IQGAP2: variants seen among roughly 807,000 people sequenced by gnomAD.
IQGAP2 encodes ras GTPase-activating-like protein IQGAP2.
In IQGAP2, 173 loss-of-function variants were observed where a neutral mutation model predicts 201.3. The observed-to-expected ratio is 0.86, with a 90% CI of 0.76 to 0.98. The LOEUF (loss-of-function observed/expected upper bound fraction) is 0.98. Ranked by LOEUF, IQGAP2 falls within the 50% of genes least tolerant of loss-of-function variation. The pLI is 0.00. For synonymous variants in IQGAP2, 675 were observed against 673.9 expected (o/e 1.00, Z -0.03); for missense variants, 1,687 against 1,864.8 (o/e 0.90, Z 1.76).
chr5:76,673,990 C>T lies in IQGAP2; in HGVS notation c.3248C>T (p.Ser1083Leu), dbSNP rs768262402. 9 of 1,607,992 alleles carry T rather than the reference C, an allele frequency of 5.6e-6. No individual in the cohort carries two copies. The Admixed American group carries it at 1.0e-4, about 18-fold the overall frequency. Residue 1083 changes from serine to leucine, a missense_variant, in exon 26 of 36, where the codon TCG becomes TTG. Coordinates refer to ENST00000274364, the MANE Select transcript of IQGAP2 (RefSeq NM_006633.5). ...TATATAGCCAAAGTACTGAAGAATT[C>T]GATCCATGAGAAATTCCCCGATGCA... The part of the protein sequence containing the change: ...LRYIAKVLKN[S>L]IHEKFPDATE...
chr5:76,678,245 C>T (rs971101465), intron 28 of IQGAP2, among the ~76,000 whole-genome samples: 6 of 152,280 alleles, frequency 3.9e-5, no homozygotes, highest in Admixed American at 6.5e-5. Flanking sequence ...CCCCATTTCT[C>T]GGAAGCAGGC....
At chr5:76,487,029 A>G (rs1756194445) in intron 2 of IQGAP2, among the ~76,000 whole-genome samples, 1 of 152,002 alleles carries the variant, frequency 6.6e-6, no homozygotes, top group African/African-American at 2.4e-5. Flanking sequence ...GTGTTTTTTT[A>G]ATGTAATATA....
At chr5:76,496,824 T>C (rs1365314787) in intron 2 of IQGAP2, among the ~76,000 whole-genome samples, 1 of 150,708 alleles carries the variant, frequency 6.6e-6, no homozygotes, top group Non-Finnish European at 1.5e-5. Flanking sequence ...TTTCTTTCTT[T>C]TTCTTTTCTT....
intron 3 of IQGAP2, among the ~76,000 whole-genome samples, chr5:76,564,797 C>T (rs916364821): frequency 5.3e-5 from 8 of 152,202 alleles, no homozygotes; most frequent in Admixed American, 1.3e-4. Context: ...CCCATCAGAT[C>T]CCTGGAAGGC....
intron 13 of IQGAP2, among the ~76,000 whole-genome samples, chr5:76,624,813 C>T (rs983480934): frequency 5.3e-5 from 8 of 152,168 alleles, no homozygotes; most frequent in African/African-American, 1.9e-4. Flanking sequence ...GTGGCTCATG[C>T]CTGTAATCCC....
chr5:76,503,608 TG>T (rs1362585927), intron 2 of IQGAP2, among the ~76,000 whole-genome samples: 2 of 152,086 alleles, frequency 1.3e-5, no homozygotes, highest in East Asian at 3.9e-4. Context: ...ATTTATTTTT[TG>T]ATACAGAGTT....
At chr5:76,586,012 G>C (rs1469836069) in intron 5 of IQGAP2, among the ~76,000 whole-genome samples, 1 of 152,144 alleles carries the variant, frequency 6.6e-6, no homozygotes, top group Non-Finnish European at 1.5e-5. Context: ...GTAATAATGA[G>C]TTGAGAATTG....
chr5:76,406,976 G>A (rs1166878160), intron 1 of IQGAP2, among the ~76,000 whole-genome samples: 2 of 152,044 alleles, frequency 1.3e-5, no homozygotes, highest in African/African-American at 4.8e-5. Flanking sequence ...TTCTGGTTGA[G>A]CATTATTATT....
intron 2 of IQGAP2, among the ~76,000 whole-genome samples, chr5:76,528,772 A>T (rs1033889095): frequency 3.9e-5 from 6 of 152,204 alleles, no homozygotes; most frequent in African/African-American, 7.2e-5. Context: ...AGTGCATGCC[A>T]TTTAGACTCT....
Position 76,530,581 on chromosome 5 carries a change from T to G in IQGAP2, c.147-31815T>G, listed in dbSNP as rs113224676. Among the ~76,000 whole-genome samples, 1,103 of 152,368 alleles carry G rather than the reference T, an allele frequency of 7.2e-3. 15 individuals are homozygous for G. Among genetic ancestry groups the G allele is most frequent in the African/African-American group, 0.023 (968 of 41,592 alleles). On this transcript the variant is annotated intron_variant, in intron 2 of 35. Transcript: ENST00000274364. Reference sequence around the variant, plus strand: ...AGTTTAGTACTAGGTTTCTCCTGTTTCAAAAGAAATTGTGTTATGTACATA... The same window carrying G: ...AGTTTAGTACTAGGTTTCTCCTGTTGCAAAAGAAATTGTGTTATGTACATA...
At chr5:76,450,431 A>G (rs1266044434) in intron 1 of IQGAP2, among the ~76,000 whole-genome samples, 1 of 152,220 alleles carries the variant, frequency 6.6e-6, no homozygotes, top group South Asian at 2.1e-4. Flanking sequence ...AGTTTTAAAT[A>G]CACACCAACT....
rs1374064739 is a variant in IQGAP2, at chr5:76,648,005, C to T, written c.2095-4745C>T. ...AATGTGGCAGCCCTCCCTCTCCCTG[C>T]TAGAGTGGTGTGAGAGGAGCCAAGG... On this transcript the variant is annotated intron_variant, in intron 17 of 35. Transcript: ENST00000274364. Among the ~76,000 whole-genome samples the T allele has an allele frequency of 2.0e-5, 3 of 152,124 alleles. No homozygotes were observed. In the East Asian group the frequency reaches 5.8e-4, roughly 29 times the overall value.
At chr5:76,579,431 T>C (rs1689545563) in intron 5 of IQGAP2, among the ~76,000 whole-genome samples, 1 of 138,400 alleles carries the variant, frequency 7.2e-6, no homozygotes, top group African/African-American at 2.7e-5. Flanking sequence ...AGGCTAAACT[T>C]TCTTTGTTTA....
intron 23 of IQGAP2, among the ~76,000 whole-genome samples, chr5:76,669,162 G>A (rs932993345): frequency 1.9e-4 from 29 of 152,324 alleles, no homozygotes; most frequent in African/African-American, 6.7e-4. Context: ...GCCATTAACA[G>A]GTGGGAATGC....
intron 2 of IQGAP2, among the ~76,000 whole-genome samples, chr5:76,496,757 CTTTCTTTCTTTCTTTCTTTCTT>C (rs1756977315): frequency 3.0e-4 from 24 of 79,318 alleles, no homozygotes; most frequent in African/African-American, 1.6e-3. Context: ...TTCTTTCTTT[CTTTCTTTCTTTCTTTCTTTCTT>C]TCTTTCTTTC....
chr5:76,673,906 C>T, intron 25 of IQGAP2, 46 bp from the exon 26 acceptor site: 1 of 1,140,390 alleles, frequency 8.8e-7, no homozygotes, highest in South Asian at 1.3e-5. Flanking sequence ...TTTCCTCACT[C>T]CGCCTTTTTT....
chr5:76,695,781 G>A, intron 32 of IQGAP2, 115 bp downstream of exon 32: 1 of 693,934 alleles, frequency 1.4e-6, no homozygotes, highest in Non-Finnish European at 2.5e-6. Context: ...ATATGCTGTG[G>A]TTACTGCCCT....
At chr5:76,427,215 A>G (rs990130709) in intron 1 of IQGAP2, among the ~76,000 whole-genome samples, 1 of 152,158 alleles carries the variant, frequency 6.6e-6, no homozygotes, top group Non-Finnish European at 1.5e-5. Flanking sequence ...AGACATTGCC[A>G]CATGTCCCCG....
intron 2 of IQGAP2, among the ~76,000 whole-genome samples, chr5:76,522,048 A>G (rs142221781): frequency 0.011 from 1,748 of 152,214 alleles, 31 homozygotes; most frequent in Non-Finnish European, 0.014. Context: ...TTTGTTCTCA[A>G]GTTATTGGAT....
Sources: gnomAD v4.1 joint callset for allele counts (sites outside exome capture counted in the v4.1 genomes callset) on GRCh38, gnomAD v4.1.1 for gene constraint, MANE v1.5 for transcripts, NCBI Gene and HGNC (gene_info 2026-07-23, HGNC 2026-07-21) for gene names.